LHFPL3: variants seen among roughly 807,000 people sequenced by gnomAD.
LHFPL3 encodes the protein LHFPL tetraspan subfamily member 3.
A neutral mutation model predicts 19.3 loss-of-function variants in LHFPL3; 5 were observed. The ratio of observed to expected loss-of-function variants is 0.26; its 90% CI spans 0.14 to 0.54. The LOEUF (loss-of-function observed/expected upper bound fraction) is 0.54, where lower values mean the gene tolerates loss of function less well. LHFPL3 is among the 20% of genes least tolerant of loss of function. The pLI, the probability that LHFPL3 is intolerant of heterozygous loss-of-function variation, is 0.94. For missense variants in LHFPL3, 249 were observed against 307.4 expected (o/e 0.81, Z 1.42); for synonymous variants, 133 against 126.2 (o/e 1.05, Z -0.36).
At chr7:104,383,462 G>A (rs1400996913) in intron 1 of LHFPL3, among the ~76,000 whole-genome samples, 5 of 152,194 alleles carry the variant, frequency 3.3e-5, no homozygotes, top group Non-Finnish European at 7.3e-5. Context: ...ATGCAAACAG[G>A]CCAGCATTTC....
At chr7:104,724,380 A>G (rs551990814) in intron 1 of LHFPL3, among the ~76,000 whole-genome samples, 1 of 152,222 alleles carries the variant, frequency 6.6e-6, no homozygotes, top group African/African-American at 2.4e-5. Context: ...GAAAATGTAC[A>G]TTTTGATAAT....
At chr7:104,845,542 G>C (rs957053056) in intron 2 of LHFPL3, 15 of 1,299,888 alleles carry the variant, frequency 1.2e-5, no homozygotes, top group Non-Finnish European at 1.5e-5. Flanking sequence ...CTTAGCACTT[G>C]AGCCGCATGA....
At chr7:104,419,750 T>C (rs906638636) in intron 1 of LHFPL3, among the ~76,000 whole-genome samples, 1 of 151,968 alleles carries the variant, frequency 6.6e-6, no homozygotes. Context: ...GGACGTATGG[T>C]TTAGGTGAAG....
At chr7:104,613,967 C>G (rs1163472419) in intron 1 of LHFPL3, among the ~76,000 whole-genome samples, 1 of 152,112 alleles carries the variant, frequency 6.6e-6, no homozygotes, top group Non-Finnish European at 1.5e-5. Context: ...CCTACCCTCC[C>G]ACAGAGACTG....
Position 104,822,218 on chromosome 7 carries a change from AG to A in LHFPL3, c.683-83967del, listed in dbSNP as rs541705910. ...CTTTCGTTGGAAGGGTCTTTCTCAAAGGTGGAAAACATTGAGTTGTTGACAA... is the reference window on the plus strand; with the variant it reads ...CTTTCGTTGGAAGGGTCTTTCTCAAAGTGGAAAACATTGAGTTGTTGACAA... On this transcript the variant is annotated intron_variant, in intron 2 of 2. Transcript: ENST00000424859. Among the ~76,000 whole-genome samples the A allele has an allele frequency of 7.9e-5, 12 of 152,346 alleles. No homozygotes were observed. The South Asian group carries it at 2.5e-3, about 32-fold the overall frequency.
At chr7:104,844,657 A>T (rs954217111) in intron 2 of LHFPL3, among the ~76,000 whole-genome samples, 3 of 152,250 alleles carry the variant, frequency 2.0e-5, no homozygotes, top group Non-Finnish European at 2.9e-5. Context: ...AATAAAAACA[A>T]CAATGATGTC....
At chr7:104,513,433 A>G (rs886383130) in intron 1 of LHFPL3, among the ~76,000 whole-genome samples, 1 of 152,240 alleles carries the variant, frequency 6.6e-6, no homozygotes, top group Non-Finnish European at 1.5e-5. Flanking sequence ...TATTAAATTA[A>G]CTACAGCCAG....
intron 1 of LHFPL3, among the ~76,000 whole-genome samples, chr7:104,502,767 A>G (rs892284482): frequency 5.3e-5 from 8 of 152,174 alleles, no homozygotes; most frequent in African/African-American, 1.7e-4. Context: ...ATTTTTTCCA[A>G]TGTCGGTATT....
intron 1 of LHFPL3, among the ~76,000 whole-genome samples, chr7:104,516,840 G>A (rs1156750051): frequency 6.6e-6 from 1 of 152,012 alleles, no homozygotes; most frequent in Non-Finnish European, 1.5e-5. Flanking sequence ...AAAGACACAT[G>A]CACGTGTATA....
chr7:104,535,729 G>A (rs963140539), intron 1 of LHFPL3, among the ~76,000 whole-genome samples: 2 of 152,206 alleles, frequency 1.3e-5, no homozygotes, highest in African/African-American at 4.8e-5. Flanking sequence ...GAGAGTTAAG[G>A]AACCTGGGAG....
chr7:104,459,937 A>G (rs929040150), intron 1 of LHFPL3, among the ~76,000 whole-genome samples: 24 of 152,232 alleles, frequency 1.6e-4, no homozygotes, highest in Middle Eastern at 6.8e-3. Flanking sequence ...GGTTTGTTGC[A>G]CAGATTACTT....
intron 2 of LHFPL3, among the ~76,000 whole-genome samples, chr7:104,755,947 G>C (rs999037043): frequency 6.6e-6 from 1 of 152,128 alleles, no homozygotes; most frequent in Non-Finnish European, 1.5e-5. Context: ...CACCTGCCTT[G>C]GCCTCCCAAA....
chr7:104,510,627 C>G (rs990082334), intron 1 of LHFPL3, among the ~76,000 whole-genome samples: 9 of 151,950 alleles, frequency 5.9e-5, no homozygotes, highest in Non-Finnish European at 8.8e-5. Flanking sequence ...TAGGGCTAGG[C>G]AAAGAGTTCC....
At chr7:104,822,174 T>A (rs1790688264) in intron 2 of LHFPL3, among the ~76,000 whole-genome samples, 1 of 152,196 alleles carries the variant, frequency 6.6e-6, no homozygotes, top group South Asian at 2.1e-4. Context: ...CCAAGGTTCA[T>A]ACTGTGTTCC....
At chr7:104,381,553 T>C (rs35137674) in intron 1 of LHFPL3, among the ~76,000 whole-genome samples, 1,697 of 146,902 alleles carry the variant, frequency 0.012, 45 homozygotes, top group African/African-American at 0.041. Context: ...CCTTCCTCTT[T>C]CCCTCCCTCA....
intron 1 of LHFPL3, among the ~76,000 whole-genome samples, chr7:104,728,766 G>A (rs1026374174): frequency 1.3e-5 from 2 of 151,970 alleles, no homozygotes; most frequent in East Asian, 1.9e-4. Flanking sequence ...CAAAACATTA[G>A]CTCCATAATA....
chr7:104,657,145 T>C (rs780970419), intron 1 of LHFPL3, among the ~76,000 whole-genome samples: 6 of 152,372 alleles, frequency 3.9e-5, no homozygotes, highest in Admixed American at 6.5e-5. Context: ...AGCATACTAA[T>C]TGATATTACG....
chr7:104,514,425 T>A (rs545046629), intron 1 of LHFPL3, among the ~76,000 whole-genome samples: 2 of 152,296 alleles, frequency 1.3e-5, no homozygotes, highest in South Asian at 4.1e-4. Context: ...AGAAATCTCA[T>A]CTGTTATTGC....
At chr7:104,653,775 A>G (rs1314017550) in intron 1 of LHFPL3, among the ~76,000 whole-genome samples, 1 of 152,212 alleles carries the variant, frequency 6.6e-6, no homozygotes, top group Non-Finnish European at 1.5e-5. Context: ...TTCACCTGCA[A>G]AAATTCATCC....
Sources: gnomAD v4.1 joint callset for allele counts (sites outside exome capture counted in the v4.1 genomes callset) on GRCh38, gnomAD v4.1.1 for gene constraint, MANE v1.5 for transcripts, NCBI Gene and HGNC (gene_info 2026-07-23, HGNC 2026-07-21) for gene names.